FAT4: variants seen among roughly 807,000 people sequenced by gnomAD.
FAT4 encodes the protein protocadherin Fat 4.
In FAT4, 84 loss-of-function variants were observed where a neutral mutation model predicts 303.9. That is an observed-to-expected ratio of 0.28 (90% CI 0.23 to 0.33). The LOEUF (loss-of-function observed/expected upper bound fraction) is 0.33, where lower values mean the gene tolerates loss of function less well. Among genes scored for constraint, FAT4 ranks in the 10% least tolerant of loss-of-function variants. The probability of loss-of-function intolerance (pLI) is 1.00; values close to 1 mark genes in which losing one functional copy is unlikely to be tolerated. For missense variants in FAT4, 6,005 were observed against 6,146.8 expected (o/e 0.98, Z 0.77); for synonymous variants, 2,307 against 2,298.8 (o/e 1.00, Z -0.10).
intron 2 of FAT4, among the ~76,000 whole-genome samples, chr4:125,356,995 T>G (rs1397533621): frequency 6.6e-6 from 1 of 152,020 alleles, no homozygotes; most frequent in African/African-American, 2.4e-5. Context: ...TGCCTTCTAT[T>G]TTAATATCTC....
At position 125,373,797 on chromosome 4, in the gene FAT4, G is replaced by A. The variant is rs536851481; in HGVS notation, c.5176-24987G>A. Among the ~76,000 whole-genome samples the A allele has an allele frequency of 2.0e-5, 3 of 152,176 alleles. No homozygotes were observed. In the South Asian group the frequency reaches 6.2e-4, roughly 31 times the overall value. The stretch of plus-strand genomic sequence containing the variant: ...ACAGGTGAACATGAAAAAGCCAAAA[G>A]TAACACCCATCAATAGGGCTACGGC... On this transcript the variant is annotated intron_variant, in intron 2 of 17. Coordinates refer to ENST00000394329, the MANE Select transcript of FAT4 (RefSeq NM_001291303.3).
rs776416394 is a variant in FAT4 at position 125,490,214 on chromosome 4, G to C, written c.13398G>C (p.Met4466Ile). ...PDSHTGRTCE[M>I]VVACLGVLCP... ...CGCACACGGGAAGGACCTGTGAGAT[G>C]GTGGTGGCCTGTCTTGGCGTCCTCT... The change falls in exon 18 of 18, where the codon ATG becomes ATC. Residue 4466 changes from methionine (M) to isoleucine (I), a missense_variant. Coordinates refer to ENST00000394329, the MANE Select transcript of FAT4 (RefSeq NM_001291303.3). 2 of 1,614,160 alleles carry C rather than the reference G, an allele frequency of 1.2e-6. No homozygotes were observed. The highest frequency in any genetic ancestry group is 1.1e-5 in the South Asian group (1 of 91,078).
chr4:125,449,829 T>G lies in FAT4; in HGVS notation c.8819T>G (p.Val2940Gly), dbSNP rs1241138382. Reference protein sequence around the residue: ...FNKQILKYQNVTGFSNVNINR... With the variant: ...FNKQILKYQNGTGFSNVNINR... ...AAACAGATCTTAAAATACCAAAATGTCACTGGCTTCAGTAATGTGAATATC... is the reference window on the plus strand; with the variant it reads ...AAACAGATCTTAAAATACCAAAATGGCACTGGCTTCAGTAATGTGAATATC... The change falls in exon 10 of 18, where the codon GTC (valine) becomes GGC (glycine). Residue 2940 changes from valine (V) to glycine (G), a missense_variant. Val to Gly is a moderately radical substitution (Grantham distance 109, BLOSUM62 -3). Coordinates refer to ENST00000394329, the MANE Select transcript of FAT4 (RefSeq NM_001291303.3). 6.2e-7 allele frequency: 1 copy of G among 1,613,920 alleles called. No individual in the cohort carries two copies. The highest frequency in any genetic ancestry group is 1.7e-5 in the Admixed American group (1 of 59,996).
intron 2 of FAT4, among the ~76,000 whole-genome samples, chr4:125,375,078 T>C (rs565034808): frequency 1.3e-5 from 2 of 152,314 alleles, no homozygotes; most frequent in South Asian, 4.1e-4. Context: ...GTTTTTATTT[T>C]ATTTATTTAA....
intron 2 of FAT4, among the ~76,000 whole-genome samples, chr4:125,365,095 G>GAAGATGATGC (rs1037353896): frequency 1.3e-5 from 2 of 152,156 alleles, no homozygotes; most frequent in African/African-American, 4.8e-5. Context: ...GAAGATGATG[G>GAAGATGATGC]AAGAACCAAG....
rs374853802 is a variant in FAT4, at chr4:125,484,906, G to A, written c.12823-2439G>A. Among the ~76,000 whole-genome samples the A allele has an allele frequency of 9.2e-5, 14 of 152,102 alleles. No homozygotes were observed. The East Asian group carries it at 1.6e-3, about 17-fold the overall frequency. ...CTTGCTCTGTTGCCCAGGCTGGAGT[G>A]CAGTGGCATGATCTCGGCTCACTGC... On this transcript the variant is annotated intron_variant, in intron 16 of 17. Coordinates refer to ENST00000394329, the MANE Select transcript of FAT4 (RefSeq NM_001291303.3).
At position 125,320,989 on chromosome 4, in the gene FAT4, C is replaced by A; in HGVS notation, c.4578C>A (p.Val1526=). ...TILVTDLNDN[V]PMFISQNALA... is the part of the protein sequence containing the mutation. The stretch of plus-strand genomic sequence containing the variant: ...TGGTTACAGACCTCAATGACAATGT[C>A]CCAATGTTTATATCACAAAACGCCC... The change falls in exon 2 of 18, where the codon GTC becomes GTA. Residue 1526 remains valine, a synonymous_variant. Coordinates refer to ENST00000394329, the MANE Select transcript of FAT4 (RefSeq NM_001291303.3). 5 of 1,614,134 alleles carry A rather than the reference C, an allele frequency of 3.1e-6. 1 individual carries two copies. The Middle Eastern group carries it at 4.9e-4, about 160-fold the overall frequency.
In FAT4 at chr4:125,318,784, T is replaced by C; in HGVS notation, c.2373T>C (p.Pro791=). 1 of 1,614,192 alleles carries C rather than the reference T, an allele frequency of 6.2e-7. No homozygotes were observed. The highest frequency in any genetic ancestry group is 8.5e-7 in the Non-Finnish European group (1 of 1,180,032). ...ITVLDTQDNP[P]VFSQVAYSFV... is the part of the protein sequence containing the mutation. ...TATTGGACACTCAAGACAACCCACCTGTATTCAGTCAGGTTGCCTACAGCT... is the reference window on the plus strand; with the variant it reads ...TATTGGACACTCAAGACAACCCACCCGTATTCAGTCAGGTTGCCTACAGCT... The change falls in exon 2 of 18, where the codon CCT becomes CCC. Residue 791 remains proline (P), a synonymous_variant. Coordinates refer to ENST00000394329, the MANE Select transcript of FAT4 (RefSeq NM_001291303.3).
chr4:125,399,847 A>G (rs1447591715), intron 3 of FAT4, among the ~76,000 whole-genome samples: 1 of 151,952 alleles, frequency 6.6e-6, no homozygotes, highest in Non-Finnish European at 1.5e-5. Context: ...CATTCTACTC[A>G]ATTTTACAAT....
chr4:125,472,944 C>G (rs1376188112), intron 12 of FAT4, among the ~76,000 whole-genome samples: 1 of 151,990 alleles, frequency 6.6e-6, no homozygotes, highest in Admixed American at 6.6e-5. Flanking sequence ...TGGTTTTTAT[C>G]AATCATTTTA....
intron 2 of FAT4, among the ~76,000 whole-genome samples, chr4:125,374,627 C>T (rs757647378): frequency 1.2e-4 from 19 of 152,264 alleles, no homozygotes; most frequent in South Asian, 2.1e-4. Flanking sequence ...AGTTGTCCCA[C>T]GTATATTCAC....
chr4:125,322,738 T>C (rs1205069784), intron 2 of FAT4, among the ~76,000 whole-genome samples: 1 of 151,466 alleles, frequency 6.6e-6, no homozygotes, highest in African/African-American at 2.4e-5. Flanking sequence ...ATTATTATTA[T>C]ATATTTTTGT....
At chr4:125,458,345 T>C (rs1327187867) in intron 10 of FAT4, among the ~76,000 whole-genome samples, 2 of 151,994 alleles carry the variant, frequency 1.3e-5, no homozygotes, top group Non-Finnish European at 2.9e-5. Context: ...ACTGAGAAAC[T>C]TGCCAGATAT....
At chr4:125,403,581 TA>T (rs1303824620) in intron 3 of FAT4, among the ~76,000 whole-genome samples, 199 of 152,174 alleles carry the variant, frequency 1.3e-3, no homozygotes, top group African/African-American at 4.4e-3. Context: ...GACCCTCAGA[TA>T]TTTATTTTAA....
Position 125,317,378 on chromosome 4 carries a change from G to A in FAT4, c.967G>A (p.Val323Met), listed in dbSNP as rs1339456823. The change falls in exon 2 of 18, where the codon GTG becomes ATG. Residue 323 changes from valine to methionine, a missense_variant. Val to Met is a conservative substitution (Grantham distance 21, BLOSUM62 1). Coordinates refer to ENST00000394329, the MANE Select transcript of FAT4 (RefSeq NM_001291303.3). This position sits in a 1 kb window ranked among gnomAD's most constrained non-coding sequence, Gnocchi z 7.0. The stretch of plus-strand genomic sequence containing the variant: ...AGCTCGGCGCCAATACTCGCTTACG[G>A]TGCAGGCGATGGACAGAGGCGTGCC... ...FEARRQYSLT[V>M]QAMDRGVPSL... 1 of 1,613,364 alleles carries A rather than the reference G, an allele frequency of 6.2e-7. No homozygotes were observed.
intron 10 of FAT4, among the ~76,000 whole-genome samples, chr4:125,454,665 T>C (rs1014601688): frequency 6.6e-6 from 1 of 152,086 alleles, no homozygotes; most frequent in Non-Finnish European, 1.5e-5. Context: ...GAAACCCATC[T>C]CTACTAAAAA....
intron 10 of FAT4, among the ~76,000 whole-genome samples, chr4:125,462,246 T>C (rs1031252666): frequency 2.0e-5 from 3 of 151,894 alleles, no homozygotes; most frequent in Non-Finnish European, 2.9e-5. Flanking sequence ...TTAAACAAAA[T>C]TTTGACTGTG....
At chr4:125,411,541 C>A (rs1456316395) in intron 5 of FAT4, among the ~76,000 whole-genome samples, 1 of 151,578 alleles carries the variant, frequency 6.6e-6, no homozygotes, top group Non-Finnish European at 1.5e-5. Context: ...ACCTGATGAC[C>A]TTGTTGAAAC....
chr4:125,466,382 T>C (rs1372021646), intron 11 of FAT4, among the ~76,000 whole-genome samples: 2 of 152,030 alleles, frequency 1.3e-5, no homozygotes, highest in African/African-American at 4.8e-5. Flanking sequence ...CACATTGTTA[T>C]AGATTTATTG....
Sources: allele counts gnomAD v4.1 joint callset (sites outside exome capture counted in the v4.1 genomes callset), GRCh38; gene constraint gnomAD v4.1.1; non-coding constraint Gnocchi (gnomAD v3.1); transcripts MANE v1.5; gene names NCBI Gene and HGNC (gene_info 2026-07-23, HGNC 2026-07-21).